Variants in TM9SF4 observed in about 807,000 individuals in gnomAD.
The protein encoded by TM9SF4 is dinucleotide oxidase disulfide thiol exchanger 3 superfamily member 4.
In TM9SF4, 26 loss-of-function variants were observed where a neutral mutation model predicts 90.4. That is an observed-to-expected ratio of 0.29 (90% CI 0.21 to 0.40). The LOEUF (loss-of-function observed/expected upper bound fraction) is 0.40, where lower values mean the gene tolerates loss of function less well. Ranked by LOEUF, TM9SF4 falls within the 10% of genes least tolerant of loss-of-function variation. The probability of loss-of-function intolerance (pLI) is 1.00; values close to 1 mark genes in which losing one functional copy is unlikely to be tolerated. For synonymous variants in TM9SF4, 293 were observed against 315.4 expected, an observed-to-expected ratio of 0.93 and a Z score of 0.75; for missense variants, 549 against 834.8, an observed-to-expected ratio of 0.66 and a Z score of 4.22.
At chr20:32,164,937 C>G (rs1246741326) in intron 17 of TM9SF4, among the ~76,000 whole-genome samples, 1 of 152,128 alleles carries the variant, frequency 6.6e-6, no homozygotes. Context: ...AGCTGGGCAT[C>G]CTGGACACCC....
intron 16 of TM9SF4, among the ~76,000 whole-genome samples, chr20:32,160,670 G>A (rs1184442823): frequency 5.3e-5 from 8 of 152,168 alleles, no homozygotes; most frequent in Non-Finnish European, 1.0e-4. Flanking sequence ...GTGTTTGCCA[G>A]CCAGGCACGG....
chr20:32,149,071 A>G (rs978488833), intron 9 of TM9SF4, among the ~76,000 whole-genome samples: 2 of 152,228 alleles, frequency 1.3e-5, no homozygotes, highest in East Asian at 1.9e-4. Context: ...TGTGATCCCA[A>G]TGTTATTGTT....
chr20:32,159,583 C>T (rs1461337697), intron 15 of TM9SF4: 2 of 168,472 alleles, frequency 1.2e-5, no homozygotes, highest in South Asian at 3.0e-4. Flanking sequence ...CAGTCACCAG[C>T]GTCTCTGATC....
chr20:32,110,077 A>C, intron 1 of TM9SF4: 8 of 1,238,444 alleles, frequency 6.5e-6, no homozygotes, highest in South Asian at 4.1e-5. Context: ...CCCTGTCCTG[A>C]CCCCTCTGAA....
At chr20:32,112,655 C>T (rs1217695959) in intron 1 of TM9SF4, among the ~76,000 whole-genome samples, 1 of 148,390 alleles carries the variant, frequency 6.7e-6, no homozygotes, top group Non-Finnish European at 1.5e-5. Context: ...GATCGTGTCA[C>T]TGCACTGCAG....
intron 12 of TM9SF4, among the ~76,000 whole-genome samples, chr20:32,154,311 G>A (rs1569100900): frequency 6.6e-6 from 1 of 151,374 alleles, no homozygotes; most frequent in Admixed American, 6.6e-5. Context: ...ACCACGCCTG[G>A]CTAATTTTTT....
chr20:32,143,589 T>G (rs907816828), intron 6 of TM9SF4, among the ~76,000 whole-genome samples: 20 of 151,922 alleles, frequency 1.3e-4, no homozygotes, highest in African/African-American at 4.6e-4. Context: ...TGTGCGGGAG[T>G]TTGAGAGTCC....
intron 3 of TM9SF4, among the ~76,000 whole-genome samples, chr20:32,141,010 T>G (rs6142619): frequency 0.44 from 66,608 of 151,420 alleles, 15,365 homozygotes; most frequent in East Asian, 0.92. Context: ...GAGGTCAGGA[T>G]ATCGAGACCA....
chr20:32,125,131 C>T (rs2046400793), intron 1 of TM9SF4, among the ~76,000 whole-genome samples: 1 of 152,120 alleles, frequency 6.6e-6, no homozygotes, highest in Admixed American at 6.6e-5. Flanking sequence ...GCATAGCTTT[C>T]CTGTTAGAAG....
At chr20:32,124,385 CT>C in intron 1 of TM9SF4, among the ~76,000 whole-genome samples, 1 of 152,244 alleles carries the variant, frequency 6.6e-6, no homozygotes, top group South Asian at 2.1e-4. Context: ...CAGTACAGTT[CT>C]TCTTGAACAC....
At chr20:32,147,074 G>A (rs988440067) in intron 9 of TM9SF4, among the ~76,000 whole-genome samples, 11 of 149,162 alleles carry the variant, frequency 7.4e-5, no homozygotes, top group Non-Finnish European at 1.3e-4. Flanking sequence ...TCCACCTCCC[G>A]GGTTCAAGCA....
At chr20:32,110,893 A>T (rs756538940) in intron 1 of TM9SF4, among the ~76,000 whole-genome samples, 11 of 152,210 alleles carry the variant, frequency 7.2e-5, no homozygotes, top group Non-Finnish European at 1.2e-4. Flanking sequence ...CTTAGTCCAG[A>T]ATGATTTCCT....
intron 3 of TM9SF4, among the ~76,000 whole-genome samples, chr20:32,140,967 T>C (rs937263546): frequency 2.6e-5 from 4 of 152,060 alleles, no homozygotes; most frequent in South Asian, 4.2e-4. Flanking sequence ...ACCTGTAATC[T>C]AGCACTTTGG....
At chr20:32,112,839 G>A (rs1439563902) in intron 1 of TM9SF4, among the ~76,000 whole-genome samples, 3 of 152,166 alleles carry the variant, frequency 2.0e-5, no homozygotes, top group Admixed American at 6.5e-5. Context: ...AACATATGCA[G>A]TGACCCACAG....
chr20:32,109,738 A>C lies in TM9SF4; in HGVS notation c.-3A>C, dbSNP rs1174957650. 2 of 1,551,516 alleles carry C rather than the reference A, an allele frequency of 1.3e-6. No individual in the cohort carries two copies. Among genetic ancestry groups the C allele is most frequent in the African/African-American group, 2.7e-5 (2 of 73,050 alleles). ...CGTCATTACGGCGACACGTGGATCC[A>C]AGATGGCGACGGCGATGGTGAGTGA... On this transcript the variant is annotated 5_prime_UTR_variant, in exon 1 of 18. Coordinates refer to ENST00000398022, the MANE Select transcript of TM9SF4 (RefSeq NM_014742.4).
At chr20:32,124,279 G>A (rs966806974) in intron 1 of TM9SF4, among the ~76,000 whole-genome samples, 3 of 152,178 alleles carry the variant, frequency 2.0e-5, no homozygotes, top group African/African-American at 4.8e-5. Context: ...TAAAAGAAAG[G>A]CTTTGAATTG....
At chr20:32,147,858 GAA>G (rs74194241) in intron 9 of TM9SF4, among the ~76,000 whole-genome samples, 40 of 124,692 alleles carry the variant, frequency 3.2e-4, no homozygotes, top group Admixed American at 5.8e-4. Context: ...GTCTCCAAAG[GAA>G]AAAAAAAAAA....
At chr20:32,159,538 G>A (rs2046981931) in intron 15 of TM9SF4, 1 of 160,008 alleles carries the variant, frequency 6.2e-6, no homozygotes, top group Non-Finnish European at 1.4e-5. Flanking sequence ...ACTTCCCAGG[G>A]AAGCCCCCTC....
At chr20:32,150,728 G>C (rs117378435) in intron 11 of TM9SF4, 25 bp downstream of exon 11, 5 of 1,613,996 alleles carry the variant, frequency 3.1e-6, no homozygotes, top group Non-Finnish European at 4.2e-6. Context: ...GTGGGCTCCC[G>C]GGGGCGGCAC....
Sources: allele counts gnomAD v4.1 joint callset (sites outside exome capture counted in the v4.1 genomes callset), GRCh38; gene constraint gnomAD v4.1.1; transcripts MANE v1.5; gene names NCBI Gene and HGNC (gene_info 2026-07-23, HGNC 2026-07-21).